ANKFN1: variants seen among roughly 807,000 people sequenced by gnomAD.
The protein encoded by ANKFN1 is ankyrin repeat and fibronectin type-III domain-containing protein 1.
ANKFN1 carries 74 observed loss-of-function variants against 108.7 expected under a neutral mutation model. The observed-to-expected ratio is 0.68, with a 90% CI of 0.56 to 0.83. ANKFN1 has a LOEUF of 0.83. Among genes scored for constraint, ANKFN1 ranks in the 40% least tolerant of loss-of-function variants. The pLI, the probability that ANKFN1 is intolerant of heterozygous loss-of-function variation, is 0.00. For missense variants in ANKFN1, 1,505 were observed against 1,382.3 expected (o/e 1.09, Z -1.41); for synonymous variants, 547 against 516.2 (o/e 1.06, Z -0.81).
intron 3 of ANKFN1, among the ~76,000 whole-genome samples, chr17:56,299,225 A>G (rs189992509): frequency 1.3e-5 from 2 of 152,286 alleles, no homozygotes; most frequent in Admixed American, 1.3e-4. Flanking sequence ...GGTGGCTGAT[A>G]GTACAGAAGT....
intron 15 of ANKFN1, 138 bp downstream of exon 15, chr17:56,466,709 T>G (rs1173502440): frequency 1.4e-6 from 1 of 703,594 alleles, no homozygotes; most frequent in African/African-American, 1.8e-5. Flanking sequence ...TTGTTGCAAA[T>G]GCAGAAGCTT....
At chr17:56,415,491 TATGG>T (rs1232548872) in intron 8 of ANKFN1, among the ~76,000 whole-genome samples, 1 of 152,120 alleles carries the variant, frequency 6.6e-6, no homozygotes, top group African/African-American at 2.4e-5. Flanking sequence ...ATGAAATACC[TATGG>T]ATTAACCAAA....
At chr17:56,109,305 T>C (rs996845908) in intron 4 of ANKFN1, among the ~76,000 whole-genome samples, 6 of 152,110 alleles carry the variant, frequency 3.9e-5, no homozygotes, top group Non-Finnish European at 7.4e-5. Context: ...GGGACATGGG[T>C]GGATGGAGCC....
At chr17:56,141,725 G>A (rs1380765985) in intron 4 of ANKFN1, among the ~76,000 whole-genome samples, 1 of 152,050 alleles carries the variant, frequency 6.6e-6, no homozygotes, top group Non-Finnish European at 1.5e-5. Flanking sequence ...AGTGCAGTTT[G>A]AATTTCCACA....
chr17:56,248,167 C>T (rs2043159391), intron 3 of ANKFN1, among the ~76,000 whole-genome samples: 1 of 152,070 alleles, frequency 6.6e-6, no homozygotes, highest in Non-Finnish European at 1.5e-5. Context: ...TCATGATTAC[C>T]ATCCCACAGA....
rs974132295 is a variant in ANKFN1 at position 56,078,803 on chromosome 17, C to G, written c.288+32478C>G. Among the ~76,000 whole-genome samples the G allele has an allele frequency of 3.3e-5, 5 of 152,112 alleles. No individual in the cohort carries two copies. In the South Asian group the frequency reaches 1.0e-3, roughly 32 times the overall value. On this transcript the variant is annotated intron_variant, in intron 4 of 12. Coordinates refer to the ANKFN1 transcript ENST00000635860. ...TCCAGAAGCTGTGTGGGAACATCACCCTTTCTGAGTCTCGATGTATGTGGA... is the reference window on the plus strand; with the variant it reads ...TCCAGAAGCTGTGTGGGAACATCACGCTTTCTGAGTCTCGATGTATGTGGA...
chr17:56,313,909 G>A (rs779990690), intron 3 of ANKFN1, among the ~76,000 whole-genome samples: 8 of 152,124 alleles, frequency 5.3e-5, no homozygotes, highest in Non-Finnish European at 1.0e-4. Flanking sequence ...GTTTCCTTCT[G>A]CCACTGTCCA....
At chr17:56,247,324 G>T (rs1598299473) in intron 3 of ANKFN1, among the ~76,000 whole-genome samples, 2 of 152,110 alleles carry the variant, frequency 1.3e-5, no homozygotes, top group African/African-American at 2.4e-5. Context: ...CAAAAATACA[G>T]GTCATTTGAA....
chr17:56,088,700 G>A (rs1030756126), intron 4 of ANKFN1, among the ~76,000 whole-genome samples: 17 of 151,014 alleles, frequency 1.1e-4, no homozygotes, highest in Non-Finnish European at 2.1e-4. Flanking sequence ...TCCTTCCAGG[G>A]AAAATTACTG....
chr17:56,070,279 C>A (rs1196051132), intron 4 of ANKFN1, among the ~76,000 whole-genome samples: 1 of 152,178 alleles, frequency 6.6e-6, no homozygotes, highest in Non-Finnish European at 1.5e-5. Flanking sequence ...GGGGAGAAGG[C>A]TCTAGAGGAG....
chr17:56,085,855 G>A (rs1905306680), intron 4 of ANKFN1, among the ~76,000 whole-genome samples: 1 of 151,370 alleles, frequency 6.6e-6, no homozygotes, highest in African/African-American at 2.4e-5. Flanking sequence ...ACTCAAGCTT[G>A]TAAGCAGGCT....
intron 4 of ANKFN1, among the ~76,000 whole-genome samples, chr17:56,086,053 A>T: frequency 6.6e-6 from 1 of 151,136 alleles, no homozygotes; most frequent in East Asian, 1.9e-4. Flanking sequence ...ATAATTCTAA[A>T]TAAAATTTAG....
At chr17:56,218,324 A>G (rs982716455) in intron 2 of ANKFN1, among the ~76,000 whole-genome samples, 2 of 151,210 alleles carry the variant, frequency 1.3e-5, no homozygotes, top group African/African-American at 4.9e-5. Flanking sequence ...TTCCAAGCTG[A>G]CCTTTATAAA....
chr17:56,385,810 G>A (rs2047247677), intron 8 of ANKFN1, among the ~76,000 whole-genome samples: 1 of 152,144 alleles, frequency 6.6e-6, no homozygotes, highest in Admixed American at 6.5e-5. Flanking sequence ...TCATTAAAAA[G>A]TCAGGAAACA....
At chr17:56,112,974 T>A (rs528549164) in intron 4 of ANKFN1, among the ~76,000 whole-genome samples, 13 of 152,360 alleles carry the variant, frequency 8.5e-5, no homozygotes, top group Admixed American at 8.5e-4. Flanking sequence ...TGACGTAGTA[T>A]TTCTGTAGGA....
chr17:56,113,524 T>A (rs1364559445), intron 4 of ANKFN1, among the ~76,000 whole-genome samples: 1 of 152,178 alleles, frequency 6.6e-6, no homozygotes, highest in Non-Finnish European at 1.5e-5. Context: ...CAAGCTTTGA[T>A]TGAATATCTG....
rs1028247815 is a variant in ANKFN1, at chr17:56,511,395, G to T, written c.*126G>T. The stretch of plus-strand genomic sequence containing the variant: ...CGTTTTGAATGTTATAAATACAAAG[G>T]TTACAAGTTCAAGGTCCTCTTTTTT... On this transcript the variant is annotated 3_prime_UTR_variant, in exon 21 of 21. Coordinates refer to ENST00000682825, the MANE Select transcript of ANKFN1 (RefSeq NM_001370326.1). The T allele has an allele frequency of 9.1e-6, 10 of 1,103,558 alleles. No individual in the cohort carries two copies. In the African/African-American group the frequency reaches 1.6e-4, roughly 17 times the overall value. The allele number at this position is 1,103,558 out of a possible 1,614,324, so 68.4% of individuals were successfully genotyped here. A position where few individuals can be genotyped will look rare whatever the true frequency, so the allele number is the denominator to read the frequency against.
intron 1 of ANKFN1, among the ~76,000 whole-genome samples, chr17:56,185,251 G>A (rs913796117): frequency 2.6e-5 from 4 of 152,136 alleles, no homozygotes; most frequent in Admixed American, 6.5e-5. Context: ...CATAGAGCCT[G>A]ACAGTAGAAG....
At chr17:56,096,101 A>C (rs1905527226) in intron 4 of ANKFN1, among the ~76,000 whole-genome samples, 1 of 152,208 alleles carries the variant, frequency 6.6e-6, no homozygotes, top group Admixed American at 6.5e-5. Context: ...ATTAAAGAGA[A>C]TTTATGGACA....
Sources: allele counts gnomAD v4.1 joint callset (sites outside exome capture counted in the v4.1 genomes callset), GRCh38; gene constraint gnomAD v4.1.1; transcripts MANE v1.5; gene names NCBI Gene and HGNC (gene_info 2026-07-23, HGNC 2026-07-21).